Variants in BABAM2 observed in about 807,000 individuals in gnomAD.
The protein encoded by BABAM2 is BRISC and BRCA1 A complex member 2, also known as BRISC and BRCA1-A complex member 2.
A neutral mutation model predicts 54.7 loss-of-function variants in BABAM2; 31 were observed. The ratio of observed to expected loss-of-function variants is 0.57; its 90% confidence interval spans 0.43 to 0.77. The LOEUF (loss-of-function observed/expected upper bound fraction) is 0.77. Among genes scored for constraint, BABAM2 ranks in the 30% least tolerant of loss-of-function variants. The probability of loss-of-function intolerance (pLI) is 0.00; values close to 1 mark genes in which losing one functional copy is unlikely to be tolerated. For synonymous variants in BABAM2, 167 were observed against 162.9 expected (o/e 1.03, Z -0.19); for missense variants, 364 against 455.8 (o/e 0.80, Z 1.83).
intron 6 of BABAM2, among the ~76,000 whole-genome samples, chr2:28,046,230 A>G (rs4666033): frequency 1 from 151,790 of 152,300 alleles, 75,645 homozygotes; most frequent in Middle Eastern, 1. Context: ...TGAAGTGGGC[A>G]GATCACCTGA....
At chr2:27,963,839 T>C (rs1030192660) in intron 3 of BABAM2, among the ~76,000 whole-genome samples, 1 of 152,236 alleles carries the variant, frequency 6.6e-6, no homozygotes, top group African/African-American at 2.4e-5. Context: ...TTCTGAGTGA[T>C]ATAACATACT....
intron 7 of BABAM2, among the ~76,000 whole-genome samples, chr2:28,179,310 G>A (rs1246431843): frequency 6.6e-6 from 1 of 152,118 alleles, no homozygotes; most frequent in Non-Finnish European, 1.5e-5. Context: ...TTATCCCAGA[G>A]ATGCAAGGAT....
intron 7 of BABAM2, among the ~76,000 whole-genome samples, chr2:28,134,108 T>A (rs1437889694): frequency 6.7e-6 from 1 of 149,284 alleles, no homozygotes; most frequent in Non-Finnish European, 1.5e-5. Context: ...TCTGGCCCTA[T>A]ACATTTGTCT....
In BABAM2 at chr2:28,244,801, A is replaced by G. The variant is rs532258140; in HGVS notation, c.873A>G (p.Ala291=). The G allele has an allele frequency of 1.2e-6, 2 of 1,613,998 alleles. No individual in the cohort carries two copies. Among genetic ancestry groups the G allele is most frequent in the South Asian group, 1.1e-5 (1 of 91,068 alleles). Residue 291 remains alanine (A), a synonymous_variant, in exon 10 of 12, where the codon GCA becomes GCG. Transcript: ENST00000379624. The part of the protein sequence containing the change: ...HFGTGVVEYD[A]EGFTKLTLLL... ...TTAGAGGTGTCGTGGAATATGATGC[A>G]GAAGGCTTTACAAAACTCACTCTGC...
chr2:28,170,815 A>G (rs977364714), intron 7 of BABAM2, among the ~76,000 whole-genome samples: 4 of 152,204 alleles, frequency 2.6e-5, no homozygotes, highest in Admixed American at 6.5e-5. Context: ...CTTTGCAAGA[A>G]ATTAATTTCT....
chr2:27,926,994 C>T (rs1437120746), intron 2 of BABAM2, among the ~76,000 whole-genome samples: 1 of 152,118 alleles, frequency 6.6e-6, no homozygotes, highest in Admixed American at 6.5e-5. Flanking sequence ...TTATTGTTAA[C>T]TCTAGTCATC....
At chr2:28,188,155 G>A (rs10186858) in intron 7 of BABAM2, among the ~76,000 whole-genome samples, 80,587 of 151,796 alleles carry the variant, frequency 0.53, 22,175 homozygotes, top group Middle Eastern at 0.63. Context: ...CACAATGCCC[G>A]CCTCGTTCAT....
intron 7 of BABAM2, among the ~76,000 whole-genome samples, chr2:28,236,228 T>C (rs561284544): frequency 6.6e-6 from 1 of 152,056 alleles, no homozygotes; most frequent in Admixed American, 6.6e-5. Context: ...AAAGTGAGCA[T>C]AGGAAAGAAG....
At chr2:28,001,277 G>T (rs1272568472) in intron 4 of BABAM2, among the ~76,000 whole-genome samples, 1 of 152,194 alleles carries the variant, frequency 6.6e-6, no homozygotes, top group Non-Finnish European at 1.5e-5. Flanking sequence ...ACTGACGTCT[G>T]CCTTCCTGTG....
intron 8 of BABAM2, among the ~76,000 whole-genome samples, chr2:28,238,328 C>G (rs987806331): frequency 1.3e-5 from 2 of 152,184 alleles, no homozygotes; most frequent in Non-Finnish European, 2.9e-5. Flanking sequence ...GATACTGATG[C>G]ACAAACAATG....
chr2:27,953,264 T>A (rs1001540880), intron 3 of BABAM2, among the ~76,000 whole-genome samples: 2 of 152,128 alleles, frequency 1.3e-5, no homozygotes, highest in African/African-American at 2.4e-5. Context: ...TACTGCAGCC[T>A]TGAACTCCTG....
intron 10 of BABAM2, among the ~76,000 whole-genome samples, chr2:28,268,104 C>T (rs531066577): frequency 1.6e-4 from 24 of 152,110 alleles, no homozygotes; most frequent in Admixed American, 1.3e-3. Flanking sequence ...AGCTCAAAAA[C>T]AAGCAAAACC....
At chr2:28,258,662 G>A (rs112915512) in intron 10 of BABAM2, among the ~76,000 whole-genome samples, 1,530 of 118,902 alleles carry the variant, frequency 0.013, 21 homozygotes, top group African/African-American at 0.045. Context: ...CACCCAGGCT[G>A]TAGTGCAGTG....
chr2:28,137,671 C>T (rs1670673780), intron 7 of BABAM2, among the ~76,000 whole-genome samples: 1 of 152,132 alleles, frequency 6.6e-6, no homozygotes, highest in South Asian at 2.1e-4. Context: ...ACTCCCACCT[C>T]CCTAGCCACT....
intron 5 of BABAM2, among the ~76,000 whole-genome samples, chr2:28,044,278 G>A (rs946292057): frequency 6.6e-6 from 1 of 152,280 alleles, no homozygotes; most frequent in African/African-American, 2.4e-5. Flanking sequence ...TGCCGAGGCT[G>A]GAGTGCAATG....
chr2:27,895,431 T>C (rs1365527406), intron 2 of BABAM2, among the ~76,000 whole-genome samples: 1 of 152,344 alleles, frequency 6.6e-6, no homozygotes, highest in East Asian at 1.9e-4. Context: ...CACATGGGTT[T>C]GTCTAATGTT....
rs17006594 is a variant in BABAM2, at chr2:28,204,674, T to C, written c.681-32528T>C. Among the ~76,000 whole-genome samples the C allele has an allele frequency of 7.9e-3, 1,202 of 152,324 alleles. 11 individuals are homozygous for C. Among genetic ancestry groups the C allele is most frequent in the African/African-American group, 0.027 (1,127 of 41,566 alleles). ...GTCTTGTGTTACCATATAATAGTAG[T>C]GACTTATAGTTTTAGCCAACCTTTA... On this transcript the variant is annotated intron_variant, in intron 7 of 11. Transcript: ENST00000379624.
At chr2:27,994,671 G>T (rs900840308) in intron 4 of BABAM2, among the ~76,000 whole-genome samples, 8 of 152,194 alleles carry the variant, frequency 5.3e-5, no homozygotes, top group African/African-American at 1.9e-4. Flanking sequence ...TCTATTGTAT[G>T]AGCATACCAC....
intron 10 of BABAM2, among the ~76,000 whole-genome samples, chr2:28,274,871 G>A (rs1685733928): frequency 6.6e-6 from 1 of 152,188 alleles, no homozygotes; most frequent in Non-Finnish European, 1.5e-5. Flanking sequence ...AAACTTAGGA[G>A]AGGTTATGTA....
Sources: gnomAD v4.1 joint callset for allele counts (sites outside exome capture counted in the v4.1 genomes callset) on GRCh38, gnomAD v4.1.1 for gene constraint, MANE v1.5 for transcripts, NCBI Gene and HGNC (gene_info 2026-07-23, HGNC 2026-07-21) for gene names.